Variants in NRG1 observed in about 807,000 individuals in gnomAD.
The protein encoded by NRG1 is pro-neuregulin-1, membrane-bound isoform.
NRG1 carries 18 observed loss-of-function variants against 63.8 expected under a neutral mutation model. The ratio of observed to expected loss-of-function variants is 0.28; its 90% CI spans 0.19 to 0.42. The LOEUF is 0.42. NRG1 is among the 10% of genes least tolerant of loss of function. NRG1 has a pLI of 1.00. For missense variants in NRG1, 762 were observed against 814.7 expected, an observed-to-expected ratio of 0.94 and a Z score of 0.79; for synonymous variants, 302 against 301.3, an observed-to-expected ratio of 1.00 and a Z score of -0.02.
At position 32,284,489 on chromosome 8, in the gene NRG1, G is replaced by GCCTGCCTGCCTT. The variant is rs1338557078; in HGVS notation, c.38-311336_38-311335insGCCTGCCTTCCT. ...ATAATGCTTGCCTCCCTGCCTGCCT[G>GCCTGCCTGCCTT]CCTTCCTTCCTTCCTTCCTTCCTTC... On this transcript the variant is annotated intron_variant, in intron 1 of 10. Transcript: ENST00000519301. 7.3e-3 allele frequency among the ~76,000 whole-genome samples: 970 copies of GCCTGCCTGCCTT among 132,570 alleles called. 6 individuals carry two copies. The highest frequency in any genetic ancestry group is 0.013 in the Admixed American group (164 of 13,052). 87.0% of individuals were successfully genotyped at this position (132,570 alleles called of 152,430 possible). A position where few individuals can be genotyped will look rare whatever the true frequency, so the allele number is the denominator to read the frequency against.
chr8:31,776,110 G>A (rs564450188), intron 1 of NRG1, among the ~76,000 whole-genome samples: 1 of 152,254 alleles, frequency 6.6e-6, no homozygotes, highest in South Asian at 2.1e-4. Flanking sequence ...TGACTGTAAA[G>A]TGCACTAGAA....
intron 1 of NRG1, among the ~76,000 whole-genome samples, chr8:32,345,005 G>A (rs193175119): frequency 6.6e-4 from 101 of 152,072 alleles, no homozygotes; most frequent in Non-Finnish European, 1.3e-3. Context: ...CAAAAATGTC[G>A]GTATTCTAGT....
chr8:31,760,570 T>C (rs1386220437), intron 1 of NRG1, among the ~76,000 whole-genome samples: 5 of 151,892 alleles, frequency 3.3e-5, no homozygotes, highest in Admixed American at 3.3e-4. Flanking sequence ...AGGGCTAATA[T>C]CCAGAATCTA....
chr8:32,527,219 G>T (rs893548594), intron 1 of NRG1, among the ~76,000 whole-genome samples: 8 of 151,976 alleles, frequency 5.3e-5, no homozygotes, highest in African/African-American at 1.9e-4. Context: ...ACTCACAAAG[G>T]GCAAAAACAT....
chr8:32,201,966 G>A (rs1316675083), intron 1 of NRG1, among the ~76,000 whole-genome samples: 2 of 152,050 alleles, frequency 1.3e-5, no homozygotes, highest in Admixed American at 1.3e-4. Context: ...ATTTTCAGAG[G>A]CTTATTTCTT....
chr8:31,910,114 A>G (rs1176483291), intron 1 of NRG1, among the ~76,000 whole-genome samples: 1 of 152,232 alleles, frequency 6.6e-6, no homozygotes, highest in African/African-American at 2.4e-5. Flanking sequence ...GTTTCTGAGA[A>G]GATCTTCACT....
chr8:31,645,706 C>T (rs1389138615), intron 1 of NRG1, among the ~76,000 whole-genome samples: 1 of 152,136 alleles, frequency 6.6e-6, no homozygotes, highest in Non-Finnish European at 1.5e-5. Context: ...ATATTTTTCC[C>T]TACGGAAAAT....
At chr8:32,004,835 C>G (rs1813493720) in intron 1 of NRG1, among the ~76,000 whole-genome samples, 1 of 151,476 alleles carries the variant, frequency 6.6e-6, no homozygotes, top group Non-Finnish European at 1.5e-5. Flanking sequence ...ATGATGAGAC[C>G]TCACAGAGGC....
At chr8:32,074,689 T>C (rs2131072334) in intron 1 of NRG1, among the ~76,000 whole-genome samples, 1 of 152,352 alleles carries the variant, frequency 6.6e-6, no homozygotes, top group South Asian at 2.1e-4. Flanking sequence ...CAATTTAGGC[T>C]ATTTCATTTT....
chr8:31,680,828 A>G (rs1223096515), intron 1 of NRG1, among the ~76,000 whole-genome samples: 1 of 152,106 alleles, frequency 6.6e-6, no homozygotes, highest in Non-Finnish European at 1.5e-5. Flanking sequence ...AAAAATATAA[A>G]AATTCCTGCA....
chr8:32,605,820 C>A, intron 3 of NRG1, 137 bp downstream of exon 3: 1 of 994,346 alleles, frequency 1.0e-6, no homozygotes, highest in East Asian at 2.6e-5. Context: ...CCAGATGTTT[C>A]AAGGATCTTG....
chr8:32,680,830 G>T (rs1808408733), intron 5 of NRG1, among the ~76,000 whole-genome samples: 1 of 151,796 alleles, frequency 6.6e-6, no homozygotes, highest in African/African-American at 2.4e-5. Flanking sequence ...ATTTATCTTT[G>T]TACCCCAAGC....
At chr8:31,681,430 C>A (rs1034810209) in intron 1 of NRG1, among the ~76,000 whole-genome samples, 1 of 151,846 alleles carries the variant, frequency 6.6e-6, no homozygotes, top group Non-Finnish European at 1.5e-5. Context: ...GATACACAAC[C>A]TCATTAGCAA....
intron 1 of NRG1, among the ~76,000 whole-genome samples, chr8:32,363,363 C>A (rs975835284): frequency 3.3e-5 from 5 of 152,182 alleles, no homozygotes; most frequent in African/African-American, 1.2e-4. Flanking sequence ...TCAGTCAGTA[C>A]ACAGATACAA....
At chr8:32,696,244 T>A (rs1813264858) in intron 5 of NRG1, among the ~76,000 whole-genome samples, 1 of 152,228 alleles carries the variant, frequency 6.6e-6, no homozygotes. Flanking sequence ...AAAAGTTGGA[T>A]CATGTTGGAT....
intron 1 of NRG1, among the ~76,000 whole-genome samples, chr8:32,350,689 A>G (rs1165304404): frequency 6.6e-6 from 1 of 152,154 alleles, no homozygotes; most frequent in African/African-American, 2.4e-5. Context: ...AGAAATATTC[A>G]TAACTATTCC....
intron 1 of NRG1, among the ~76,000 whole-genome samples, chr8:32,386,864 T>A (rs146685727): frequency 5.3e-5 from 8 of 152,328 alleles, no homozygotes; most frequent in Non-Finnish European, 1.2e-4. Context: ...TTATCTATTA[T>A]GCAGTTAAAC....
intron 5 of NRG1, among the ~76,000 whole-genome samples, chr8:32,674,442 A>G (rs1806520860): frequency 6.6e-6 from 1 of 152,188 alleles, no homozygotes; most frequent in Admixed American, 6.5e-5. Flanking sequence ...CTGAATAGGC[A>G]AAGAGTGAGA....
intron 1 of NRG1, among the ~76,000 whole-genome samples, chr8:31,874,041 C>T (rs1829715200): frequency 6.6e-6 from 1 of 152,154 alleles, no homozygotes; most frequent in Non-Finnish European, 1.5e-5. Context: ...TTCATTGCAT[C>T]AGAAAGCTGA....
Sources: allele counts gnomAD v4.1 joint callset (sites outside exome capture counted in the v4.1 genomes callset), GRCh38; gene constraint gnomAD v4.1.1; transcripts MANE v1.5; gene names NCBI Gene and HGNC (gene_info 2026-07-23, HGNC 2026-07-21).